Variants in PACRGL observed in about 807,000 individuals in gnomAD.
The protein encoded by PACRGL is PACRG-like protein.
Under a neutral mutation model 34.5 loss-of-function variants are expected in PACRGL, and 38 were observed. The ratio of observed to expected loss-of-function variants is 1.10; its 90% CI spans 0.85 to 1.44. The LOEUF (loss-of-function observed/expected upper bound fraction) is 1.44. Among genes scored for constraint, PACRGL ranks in the 40% most tolerant of loss-of-function variants. The pLI, the probability that PACRGL is intolerant of heterozygous loss-of-function variation, is 0.00. For synonymous variants in PACRGL, 128 were observed against 100.1 expected, an observed-to-expected ratio of 1.28 and a Z score of -1.66; for missense variants, 305 against 281.4, an observed-to-expected ratio of 1.08 and a Z score of -0.60.
chr4:20,761,079 C>G, the PACRGL span, among the ~76,000 whole-genome samples: 1 of 152,120 alleles, frequency 6.6e-6, no homozygotes, highest in South Asian at 2.1e-4. Context: ...CTCATTGAAT[C>G]AGTTTAAGGC....
In PACRGL at chr4:20,728,440, G is replaced by A. The variant is rs1253239107; in HGVS notation, c.*1099G>A. On this transcript the variant is annotated 3_prime_UTR_variant, in exon 9 of 9. Transcript: ENST00000503585. ...TATAGACATAGTTCAGAATTTTGAT[G>A]TAATAGAAGCAATTCCCTCTGGCTA... 1 of 152,184 alleles carries A rather than the reference G, an allele frequency of 6.6e-6. No individual in the cohort carries two copies. The highest frequency in any genetic ancestry group is 1.5e-5 in the Non-Finnish European group (1 of 68,034). The allele number at this position is 152,184 out of a possible 1,614,324, so 9.4% of individuals were successfully genotyped here.
Position 20,712,891 on chromosome 4 carries a change from C to T in PACRGL, c.470C>T (p.Pro157Leu). ...CCTGAAAAAGCTATTCCTTTGCTAC[C>T]TAGACTGATTCCTGTGCTAAAGGCA... is the stretch of plus-strand genomic sequence containing the variant. ...GAPEKAIPLL[P>L]RLIPVLKAAL... Residue 157 changes from proline to leucine, a missense_variant, in exon 6 of 9, where the codon CCT becomes CTT. Pro to Leu is a moderately conservative substitution (Grantham distance 98, BLOSUM62 -3). Coordinates refer to ENST00000503585, the MANE Select transcript of PACRGL (RefSeq NM_001258345.3). The T allele has an allele frequency of 6.3e-7, 1 of 1,598,030 alleles. No individual in the cohort carries two copies. Among genetic ancestry groups the T allele is most frequent in the Non-Finnish European group, 8.5e-7 (1 of 1,170,508 alleles).
intron 1 of PACRGL, chr4:20,701,591 G>T: frequency 3.5e-6 from 1 of 281,998 alleles, no homozygotes. Flanking sequence ...ACTTGAAAGG[G>T]TTACCAAGGA....
At chr4:20,725,457 A>T (rs1256434863) in intron 8 of PACRGL, among the ~76,000 whole-genome samples, 1 of 152,158 alleles carries the variant, frequency 6.6e-6, no homozygotes, top group South Asian at 2.1e-4. Context: ...GGAGGATTTC[A>T]TAACTGTATG....
rs529997399 is a variant in PACRGL at position 20,737,731 on chromosome 4, C to A, written c.*56+10334C>A. On this transcript the variant is annotated intron_variant, in intron 8 of 8. Coordinates refer to the PACRGL transcript ENST00000507634. ...GACATGCAAATTAGAGAAAGGGAGA[C>A]CTCCCTCAAATTATTTCCCTGCCAT... 2.0e-5 allele frequency among the ~76,000 whole-genome samples: 3 copies of A among 152,296 alleles called. No individual in the cohort carries two copies. In the South Asian group the frequency reaches 6.2e-4, roughly 32 times the overall value.
intron 8 of PACRGL, among the ~76,000 whole-genome samples, chr4:20,748,584 A>G (rs1256156285): frequency 4.3e-5 from 4 of 93,614 alleles, no homozygotes; most frequent in African/African-American, 1.5e-4. Flanking sequence ...ATATATATAT[A>G]TATATATATA....
chr4:20,760,348 G>T, the PACRGL span, among the ~76,000 whole-genome samples: 1 of 152,142 alleles, frequency 6.6e-6, no homozygotes, highest in Non-Finnish European at 1.5e-5. Flanking sequence ...CTCTAAATTT[G>T]ATACTGTTTC....
At chr4:20,758,743 C>G in the PACRGL span, 5 of 1,027,798 alleles carry the variant, frequency 4.9e-6, no homozygotes, top group Non-Finnish European at 7.6e-6. Flanking sequence ...TAGCATCATG[C>G]TATGAAAAAT....
At chr4:20,722,696 T>G (rs1743909189) in intron 7 of PACRGL, among the ~76,000 whole-genome samples, 1 of 152,194 alleles carries the variant, frequency 6.6e-6, no homozygotes, top group Admixed American at 6.5e-5. Context: ...TCACATTGTA[T>G]AGACTACCTG....
downstream of PACRGL, among the ~76,000 whole-genome samples, chr4:20,737,070 A>C (rs541131535): frequency 6.6e-6 from 1 of 152,330 alleles, no homozygotes; most frequent in African/African-American, 2.4e-5. Flanking sequence ...AATAATCTCA[A>C]TATATGGTGC....
intron 1 of PACRGL, among the ~76,000 whole-genome samples, chr4:20,703,504 G>GTC (rs1327072122): frequency 6.9e-6 from 1 of 144,500 alleles, no homozygotes; most frequent in Non-Finnish European, 1.5e-5. Flanking sequence ...GTGTGTGTGT[G>GTC]TGTGTGTTTG....
chr4:20,698,109 T>C (rs1248049200), upstream of PACRGL, among the ~76,000 whole-genome samples: 1 of 152,120 alleles, frequency 6.6e-6, no homozygotes, highest in East Asian at 1.9e-4. Context: ...CCTATTAGTG[T>C]TCTTCAGTAG....
At chr4:20,760,784 A>G in the PACRGL span, among the ~76,000 whole-genome samples, 1 of 152,148 alleles carries the variant, frequency 6.6e-6, no homozygotes, top group Non-Finnish European at 1.5e-5. Context: ...TGTGGAAATA[A>G]TGATGACCTC....
downstream of PACRGL, among the ~76,000 whole-genome samples, chr4:20,735,620 C>A (rs1749443725): frequency 6.7e-6 from 1 of 149,974 alleles, no homozygotes; most frequent in Admixed American, 6.7e-5. Flanking sequence ...ACTTCCACCT[C>A]CCACCTCCCA....
chr4:20,710,043 T>A (rs1475542922), intron 5 of PACRGL, among the ~76,000 whole-genome samples: 2 of 152,110 alleles, frequency 1.3e-5, no homozygotes, highest in Non-Finnish European at 2.9e-5. Context: ...TCAAAAAAAA[T>A]ATGTGGACTC....
Position 20,729,661 on chromosome 4 carries a change from T to TTCTGGAAATTAAATGCAG in PACRGL, c.*2321_*2338dup, listed in dbSNP as rs1193624266. The TTCTGGAAATTAAATGCAG allele has an allele frequency of 6.5e-6, 1 of 153,266 alleles. No homozygotes were observed. 9.5% of individuals were successfully genotyped at this position (153,266 alleles called of 1,614,324 possible). On this transcript the variant is annotated 3_prime_UTR_variant, in exon 9 of 9. Coordinates refer to ENST00000503585, the MANE Select transcript of PACRGL (RefSeq NM_001258345.3). ...ATTCAAACATGAAAATTAATTTAAT[T>TTCTGGAAATTAAATGCAG]TCTGGAAATTAAATGCAGATGTCAC...
At position 20,730,307 on chromosome 4, in the gene PACRGL, T is replaced by TGACTA. The variant is rs1480279405; in HGVS notation, c.*2967_*2971dup. On this transcript the variant is annotated 3_prime_UTR_variant, in exon 9 of 9. Transcript: ENST00000503585. Reference sequence around the variant, plus strand: ...CTATTCTATCCATTTTCCACATAGATGACTATGAAGGACCCATTTTATATT... The same window carrying TGACTA: ...CTATTCTATCCATTTTCCACATAGATGACTAGACTATGAAGGACCCATTTTATATT... 6.6e-6 allele frequency among the ~76,000 whole-genome samples: 1 copy of TGACTA among 152,208 alleles called. No homozygotes were observed. The highest frequency in any genetic ancestry group is 1.5e-5 in the Non-Finnish European group (1 of 68,026).
At chr4:20,723,173 C>T (rs1024646167) in intron 7 of PACRGL, among the ~76,000 whole-genome samples, 1 of 152,112 alleles carries the variant, frequency 6.6e-6, no homozygotes, top group Non-Finnish European at 1.5e-5. Context: ...TATGAGGAGT[C>T]TTATGACAGA....
In PACRGL at chr4:20,722,244, A is replaced by G. The variant is rs7656060; in HGVS notation, c.610-2564A>G. The stretch of plus-strand genomic sequence containing the variant: ...CTGTCACAGCTTTGCTTGGCTAGGA[A>G]AGGGAATTCCCTGATCCCTTGCGCT... On this transcript the variant is annotated intron_variant, in intron 7 of 8. Coordinates refer to ENST00000503585, the MANE Select transcript of PACRGL (RefSeq NM_001258345.3). Among the ~76,000 whole-genome samples, 597 of 152,306 alleles carry G rather than the reference A, an allele frequency of 3.9e-3. 5 individuals carry two copies. Among genetic ancestry groups the G allele is most frequent in the African/African-American group, 0.013 (526 of 41,572 alleles).
Sources: allele counts gnomAD v4.1 joint callset (sites outside exome capture counted in the v4.1 genomes callset), GRCh38; gene constraint gnomAD v4.1.1; transcripts MANE v1.5; gene names NCBI Gene and HGNC (gene_info 2026-07-23, HGNC 2026-07-21).